TSEN15: variants seen among roughly 807,000 people sequenced by gnomAD.
The protein encoded by TSEN15 is tRNA-splicing endonuclease subunit Sen15.
TSEN15 carries 10 observed loss-of-function variants against 20.5 expected under a neutral mutation model. The observed-to-expected ratio is 0.49, with a 90% confidence interval of 0.30 to 0.83. The LOEUF (loss-of-function observed/expected upper bound fraction) is 0.83, where lower values mean the gene tolerates loss of function less well. TSEN15 is among the 40% of genes least tolerant of loss of function. TSEN15 has a pLI of 0.06. For synonymous variants in TSEN15, 72 were observed against 80.1 expected (o/e 0.90, Z 0.54); for missense variants, 180 against 218.6 (o/e 0.82, Z 1.11).
In TSEN15 at chr1:184,053,658, A is replaced by G. The variant is rs535358770; in HGVS notation, c.136-696A>G. 3.3e-5 allele frequency among the ~76,000 whole-genome samples: 5 copies of G among 152,316 alleles called. No individual in the cohort carries two copies. The East Asian group carries it at 9.6e-4, about 29-fold the overall frequency. On this transcript the variant is annotated intron_variant, in intron 1 of 4. Coordinates refer to ENST00000645668, the MANE Select transcript of TSEN15 (RefSeq NM_052965.4). Reference sequence around the variant, plus strand: ...CTGGGCAGCCTCAGAATTCTCCTGCAGGTGTAGGCCCCTGAAAAGTATTCC... The same window carrying G: ...CTGGGCAGCCTCAGAATTCTCCTGCGGGTGTAGGCCCCTGAAAAGTATTCC...
intron 3 of TSEN15, chr1:184,058,112 G>A (rs1030978250): frequency 2.4e-6 from 1 of 416,506 alleles, no homozygotes; most frequent in Non-Finnish European, 4.7e-6. Flanking sequence ...CATTTCATAA[G>A]TCTAGAAGTA....
intron 3 of TSEN15, among the ~76,000 whole-genome samples, chr1:184,062,442 TACTA>T (rs1337937472): frequency 2.0e-5 from 3 of 152,104 alleles, no homozygotes; most frequent in Non-Finnish European, 4.4e-5. Flanking sequence ...ACAAGAGGAA[TACTA>T]ACTAAAACTA....
chr1:184,066,403 T>C (rs1171610742), intron 3 of TSEN15, among the ~76,000 whole-genome samples: 1 of 151,974 alleles, frequency 6.6e-6, no homozygotes, highest in Non-Finnish European at 1.5e-5. Context: ...CTTTTTTTTT[T>C]CTTTATGTGA....
At chr1:184,069,146 GC>G (rs1273743035) in intron 3 of TSEN15, among the ~76,000 whole-genome samples, 1 of 152,108 alleles carries the variant, frequency 6.6e-6, no homozygotes, top group Non-Finnish European at 1.5e-5. Flanking sequence ...GCTATATGAA[GC>G]TCTGGAATCA....
chr1:184,072,516 T>C lies in TSEN15; in HGVS notation c.495+218T>C. Reference sequence around the variant, plus strand: ...TTTGCAAAAAAAAAATTGATTTCCTTACTCTTTGGAGAATTTCATGGTTTT... The same window carrying C: ...TTTGCAAAAAAAAAATTGATTTCCTCACTCTTTGGAGAATTTCATGGTTTT... On this transcript the variant is annotated intron_variant, in intron 4 of 4. Transcript: ENST00000645668. 7.1e-6 allele frequency: 4 copies of C among 561,028 alleles called. No individual in the cohort carries two copies. In the South Asian group the frequency reaches 1.1e-4, roughly 16 times the overall value. 34.8% of individuals were successfully genotyped at this position (561,028 alleles called of 1,614,324 possible).
At chr1:184,082,246 G>T (rs1651184373) in intron 3 of TSEN15, among the ~76,000 whole-genome samples, 2 of 152,234 alleles carry the variant, frequency 1.3e-5, no homozygotes, top group South Asian at 4.1e-4. Context: ...TGGCTGAATT[G>T]GGCATCATCC....
chr1:184,057,389 C>T (rs1395739160), intron 3 of TSEN15, among the ~76,000 whole-genome samples: 1 of 152,058 alleles, frequency 6.6e-6, no homozygotes, highest in Non-Finnish European at 1.5e-5. Flanking sequence ...AAGAGCAGAG[C>T]CTCTTAAATT....
At chr1:184,095,009 C>G (rs1409821009) in intron 3 of TSEN15, 1 of 398,494 alleles carries the variant, frequency 2.5e-6, no homozygotes, top group African/African-American at 2.1e-5. Flanking sequence ...GGGTCATTTG[C>G]CTGTTTTACA....
chr1:184,086,874 C>T (rs1651270651), intron 3 of TSEN15, among the ~76,000 whole-genome samples: 1 of 152,258 alleles, frequency 6.6e-6, no homozygotes, highest in South Asian at 2.1e-4. Flanking sequence ...GTTGCCAAGT[C>T]TAGTCCATAC....
At chr1:184,066,319 C>G (rs936251798) in intron 3 of TSEN15, among the ~76,000 whole-genome samples, 1 of 151,334 alleles carries the variant, frequency 6.6e-6, no homozygotes, top group Non-Finnish European at 1.5e-5. Flanking sequence ...GCTCTCTATT[C>G]TATTCCATTG....
intron 3 of TSEN15, among the ~76,000 whole-genome samples, chr1:184,083,911 C>T (rs1392701261): frequency 6.6e-6 from 1 of 152,206 alleles, no homozygotes; most frequent in Non-Finnish European, 1.5e-5. Flanking sequence ...TCATCACCCT[C>T]TTCCACCTCT....
At chr1:184,058,836 C>T (rs549070674) in intron 3 of TSEN15, among the ~76,000 whole-genome samples, 13 of 152,150 alleles carry the variant, frequency 8.5e-5, no homozygotes, top group African/African-American at 1.7e-4. Context: ...CATAAATTAA[C>T]GATTCTGTTT....
At chr1:184,055,098 C>T (rs1430388748) in intron 3 of TSEN15, 4 of 421,988 alleles carry the variant, frequency 9.5e-6, no homozygotes, top group African/African-American at 6.0e-5. Context: ...TTAAGTGGCT[C>T]ATAGTTCTGA....
chr1:184,075,370 G>A (rs894420750), downstream of TSEN15, among the ~76,000 whole-genome samples: 2 of 152,106 alleles, frequency 1.3e-5, no homozygotes, highest in Admixed American at 6.6e-5. Flanking sequence ...ACTAGATAAA[G>A]TGATTTAAGT....
intron 3 of TSEN15, among the ~76,000 whole-genome samples, chr1:184,062,503 A>G (rs1650494927): frequency 6.6e-6 from 1 of 152,124 alleles, no homozygotes; most frequent in South Asian, 2.1e-4. Flanking sequence ...AGTCAAATTT[A>G]TGTTCAGATA....
intron 3 of TSEN15, among the ~76,000 whole-genome samples, chr1:184,064,633 AAG>A (rs1324554553): frequency 2.6e-5 from 4 of 152,318 alleles, no homozygotes; most frequent in African/African-American, 9.6e-5. Context: ...AGTCAAAGGT[AAG>A]AGAAAGTTAA....
At chr1:184,077,882 C>G (rs1336942022), downstream of TSEN15, among the ~76,000 whole-genome samples, 1 of 152,142 alleles carries the variant, frequency 6.6e-6, no homozygotes, top group African/African-American at 2.4e-5. Flanking sequence ...AGAGTGGTTT[C>G]TTGAGATGGA....
intron 3 of TSEN15, among the ~76,000 whole-genome samples, chr1:184,081,076 T>G: frequency 6.6e-6 from 1 of 152,214 alleles, no homozygotes. Flanking sequence ...TAAATGTTTA[T>G]TCTCAATTTC....
intron 3 of TSEN15, among the ~76,000 whole-genome samples, chr1:184,060,943 A>C (rs1337125218): frequency 6.6e-6 from 1 of 152,196 alleles, no homozygotes; most frequent in Non-Finnish European, 1.5e-5. Flanking sequence ...TAAGTCAAGA[A>C]ATAGAACTTT....
Sources: gnomAD v4.1 joint callset for allele counts (sites outside exome capture counted in the v4.1 genomes callset) on GRCh38, gnomAD v4.1.1 for gene constraint, MANE v1.5 for transcripts, NCBI Gene and HGNC (gene_info 2026-07-23, HGNC 2026-07-21) for gene names.